CCSER1: variants seen among roughly 807,000 people sequenced by gnomAD.
CCSER1 encodes the protein coiled-coil serine rich protein 1, also known as serine-rich coiled-coil domain-containing protein 1.
Under a neutral mutation model 82.0 loss-of-function variants are expected in CCSER1, and 41 were observed. That is an observed-to-expected ratio of 0.50 (90% CI 0.39 to 0.65). The LOEUF (loss-of-function observed/expected upper bound fraction) is 0.65. Ranked by LOEUF, CCSER1 falls within the 30% of genes least tolerant of loss-of-function variation. The probability of loss-of-function intolerance (pLI) is 0.00; values close to 1 mark genes in which losing one functional copy is unlikely to be tolerated. For synonymous variants in CCSER1, 414 were observed against 383.9 expected, an observed-to-expected ratio of 1.08 and a Z score of -0.92; for missense variants, 1,119 against 1,064.2, an observed-to-expected ratio of 1.05 and a Z score of -0.72.
chr4:91,298,721 A>G (rs1371678035), intron 10 of CCSER1, among the ~76,000 whole-genome samples: 1 of 152,052 alleles, frequency 6.6e-6, no homozygotes, highest in Non-Finnish European at 1.5e-5. Context: ...GCATGGAGGC[A>G]TCCTGGCCTG....
At chr4:90,574,547 C>T (rs1331944293) in intron 5 of CCSER1, among the ~76,000 whole-genome samples, 2 of 151,710 alleles carry the variant, frequency 1.3e-5, no homozygotes, top group Admixed American at 1.3e-4. Flanking sequence ...GGATTACAGG[C>T]GTGAGCCACC....
chr4:91,195,124 G>A (rs1029292634), intron 10 of CCSER1, among the ~76,000 whole-genome samples: 2 of 152,100 alleles, frequency 1.3e-5, no homozygotes, highest in Non-Finnish European at 2.9e-5. Context: ...TGATTTTCAC[G>A]AATAGAAATA....
chr4:90,633,431 G>C (rs1724822499), intron 6 of CCSER1, among the ~76,000 whole-genome samples: 1 of 151,946 alleles, frequency 6.6e-6, no homozygotes, highest in African/African-American at 2.4e-5. Flanking sequence ...ATCAATGGTA[G>C]ATATAATTTC....
chr4:90,482,307 CT>C (rs1766143178), intron 5 of CCSER1, among the ~76,000 whole-genome samples: 1 of 151,970 alleles, frequency 6.6e-6, no homozygotes, highest in Non-Finnish European at 1.5e-5. Flanking sequence ...TTTTGTTGAT[CT>C]TTTCAAAAAA....
In CCSER1 at chr4:91,047,241, C is replaced by T. The variant is rs191957088; in HGVS notation, c.2173-38709C>T. On this transcript the variant is annotated intron_variant, in intron 9 of 10. Transcript: ENST00000509176. ...TTGATATCCAAAGCATATATATATA[C>T]ACACACACACACATATATATATTTC... 1.0e-3 allele frequency among the ~76,000 whole-genome samples: 154 copies of T among 151,586 alleles called. 3 individuals are homozygous for T. The Middle Eastern group carries it at 0.027, about 27-fold the overall frequency.
At chr4:91,406,447 C>T (rs937972206) in intron 10 of CCSER1, among the ~76,000 whole-genome samples, 1 of 152,088 alleles carries the variant, frequency 6.6e-6, no homozygotes, top group Non-Finnish European at 1.5e-5. Context: ...TTAGTAATAG[C>T]CATCTTGCCA....
At chr4:91,453,308 G>A (rs1755969996) in intron 10 of CCSER1, among the ~76,000 whole-genome samples, 1 of 151,984 alleles carries the variant, frequency 6.6e-6, no homozygotes, top group African/African-American at 2.4e-5. Flanking sequence ...CTGTCTGCTT[G>A]AGAAAGTCAC....
At chr4:91,069,430 GTAAA>G (rs147155071) in intron 9 of CCSER1, among the ~76,000 whole-genome samples, 2,907 of 151,686 alleles carry the variant, frequency 0.019, 96 homozygotes, top group African/African-American at 0.066. Context: ...GTTAAAAAGG[GTAAA>G]TAAATATCAT....
At chr4:90,745,617 T>G (rs1194978372) in intron 7 of CCSER1, among the ~76,000 whole-genome samples, 1 of 152,050 alleles carries the variant, frequency 6.6e-6, no homozygotes, top group Non-Finnish European at 1.5e-5. Context: ...TGGTTGATTG[T>G]TATATTAATA....
At chr4:90,716,725 T>C (rs1741707962) in intron 6 of CCSER1, among the ~76,000 whole-genome samples, 1 of 152,152 alleles carries the variant, frequency 6.6e-6, no homozygotes, top group Non-Finnish European at 1.5e-5. Context: ...TGCCTAGATG[T>C]GTAGTAGACT....
intron 8 of CCSER1, among the ~76,000 whole-genome samples, chr4:90,820,912 T>G (rs912274959): frequency 1.3e-5 from 2 of 152,076 alleles, no homozygotes; most frequent in African/African-American, 2.4e-5. Flanking sequence ...TCTGCTTTAA[T>G]TTGGTAATGT....
intron 8 of CCSER1, among the ~76,000 whole-genome samples, chr4:90,920,488 T>G (rs1705148058): frequency 6.6e-6 from 1 of 152,010 alleles, no homozygotes; most frequent in Non-Finnish European, 1.5e-5. Flanking sequence ...ATAGTCTCTC[T>G]GACTTCTAAA....
intron 10 of CCSER1, among the ~76,000 whole-genome samples, chr4:91,303,715 A>G (rs1269344415): frequency 6.6e-6 from 1 of 151,978 alleles, no homozygotes; most frequent in Non-Finnish European, 1.5e-5. Flanking sequence ...GGATCACCTG[A>G]GTCTGGGAGG....
chr4:91,420,450 CATTA>C (rs1753624848), intron 10 of CCSER1, among the ~76,000 whole-genome samples: 1 of 152,054 alleles, frequency 6.6e-6, no homozygotes, highest in South Asian at 2.1e-4. Context: ...TACTCAACAT[CATTA>C]ATTGTCAGAG....
At chr4:90,718,665 T>C (rs1341887149) in intron 6 of CCSER1, among the ~76,000 whole-genome samples, 1 of 152,178 alleles carries the variant, frequency 6.6e-6, no homozygotes, top group Admixed American at 6.5e-5. Context: ...TGTCAAAATT[T>C]ACTTTGATGA....
At chr4:91,279,335 A>G (rs1269229847) in intron 10 of CCSER1, among the ~76,000 whole-genome samples, 1 of 152,016 alleles carries the variant, frequency 6.6e-6, no homozygotes, top group Non-Finnish European at 1.5e-5. Context: ...TGTGTTTTGT[A>G]TTCCTTTTAT....
chr4:90,746,768 T>G (rs1747547768), intron 7 of CCSER1, among the ~76,000 whole-genome samples: 1 of 152,248 alleles, frequency 6.6e-6, no homozygotes, highest in African/African-American at 2.4e-5. Context: ...TTTTAGGTAC[T>G]GAAAACTGTC....
intron 8 of CCSER1, among the ~76,000 whole-genome samples, chr4:90,885,312 C>T (rs1721956738): frequency 6.6e-6 from 1 of 151,906 alleles, no homozygotes; most frequent in Non-Finnish European, 1.5e-5. Context: ...AATGTGTTAC[C>T]CAACATGTAT....
At chr4:91,020,169 A>T (rs773419887) in intron 9 of CCSER1, among the ~76,000 whole-genome samples, 17 of 152,266 alleles carry the variant, frequency 1.1e-4, no homozygotes, top group Middle Eastern at 3.4e-3. Flanking sequence ...TTAAGATGGA[A>T]TTTTTTCTGT....
Sources: allele counts gnomAD v4.1 joint callset (sites outside exome capture counted in the v4.1 genomes callset), GRCh38; gene constraint gnomAD v4.1.1; transcripts MANE v1.5; gene names NCBI Gene and HGNC (gene_info 2026-07-23, HGNC 2026-07-21).